Variants in ANK2 observed in about 807,000 individuals in gnomAD.
ANK2 encodes the protein ankyrin 2.
In ANK2, 83 loss-of-function variants were observed where a neutral mutation model predicts 360.5. The observed-to-expected ratio is 0.23, with a 90% CI of 0.19 to 0.28. ANK2 has a LOEUF of 0.28. Ranked by LOEUF, ANK2 falls within the 10% of genes least tolerant of loss-of-function variation. The pLI is 1.00. For missense variants in ANK2, 4,201 were observed against 4,795.7 expected, an observed-to-expected ratio of 0.88 and a Z score of 3.66; for synonymous variants, 1,740 against 1,759.5, an observed-to-expected ratio of 0.99 and a Z score of 0.28.
intron 1 of ANK2, among the ~76,000 whole-genome samples, chr4:112,837,309 G>C (rs544447241): frequency 1.4e-4 from 21 of 152,372 alleles, no homozygotes; most frequent in Middle Eastern, 3.4e-3. Flanking sequence ...GGTATGGGAA[G>C]CTCTGCCTAG....
At chr4:113,078,187 G>A (rs538943824) in intron 1 of ANK2, among the ~76,000 whole-genome samples, 7 of 152,258 alleles carry the variant, frequency 4.6e-5, no homozygotes, top group Middle Eastern at 3.4e-3. Context: ...CGGTAAAATA[G>A]CAGCAGTCCT....
chr4:112,798,050 G>A, the ANK2 span: 1 of 164,800 alleles, frequency 6.1e-6, no homozygotes. Context: ...TATCATGGCA[G>A]GACAGTCAAC....
At chr4:112,903,349 A>T (rs1192774730) in intron 1 of ANK2, among the ~76,000 whole-genome samples, 1 of 152,188 alleles carries the variant, frequency 6.6e-6, no homozygotes, top group Admixed American at 6.5e-5. Context: ...TTTAAAAATT[A>T]TACTGAGATG....
Position 113,302,833 on chromosome 4 carries a change from G to A in ANK2, c.2542G>A (p.Glu848Lys). ...GACTGAGGTTCTTGATGTTTCTGAT[G>A]AAGAGGGTAAGACTTCTATTCAATC... Reference protein sequence around the residue: ...TMTEVLDVSDEEGDDTMTGDG... With the variant: ...TMTEVLDVSDKEGDDTMTGDG... Residue 848 changes from glutamate (E) to lysine (K), a missense_variant, in exon 23 of 46, where the codon GAA (glutamate) becomes AAA (lysine). Glu to Lys is a moderately conservative substitution (Grantham distance 56). Around this residue, in one of 4 missense-constraint regions of ANK2, gnomAD observed 1,268 missense variants for 1,650.8 expected, o/e 0.77. Coordinates refer to ENST00000357077, the MANE Select transcript of ANK2 (RefSeq NM_001148.6). The A allele has an allele frequency of 6.2e-7, 1 of 1,612,702 alleles. No individual in the cohort carries two copies. Among genetic ancestry groups the A allele is most frequent in the Non-Finnish European group, 8.5e-7 (1 of 1,178,728 alleles).
At chr4:112,841,377 A>G (rs1208070489) in intron 1 of ANK2, among the ~76,000 whole-genome samples, 4 of 152,144 alleles carry the variant, frequency 2.6e-5, no homozygotes, top group African/African-American at 9.7e-5. Context: ...AAAAGTTGAA[A>G]AAATGTTAAC....
At chr4:113,086,734 C>T (rs976068196) in intron 1 of ANK2, among the ~76,000 whole-genome samples, 1 of 152,156 alleles carries the variant, frequency 6.6e-6, no homozygotes, top group African/African-American at 2.4e-5. Flanking sequence ...TTAGGGAAGG[C>T]TCCTTTGAGC....
In ANK2 at chr4:113,358,744, G is replaced by A. The variant is rs1171741008; in HGVS notation, c.10126G>A (p.Gly3376Arg). Reference sequence around the variant, plus strand: ...TGTCCAGAAGACAGTGGCTCCTCAGGGACAGGACATGGCAAGCATCGCACC... The same window carrying A: ...TGTCCAGAAGACAGTGGCTCCTCAGAGACAGGACATGGCAAGCATCGCACC... Reference protein sequence around the residue: ...TSVQKTVAPQGQDMASIAPDN... With the variant: ...TSVQKTVAPQRQDMASIAPDN... The change falls in exon 38 of 46, where the codon GGA becomes AGA. Residue 3376 changes from glycine (G) to arginine (R), a missense_variant. Gly to Arg is a moderately radical substitution (Grantham distance 125). This residue lies in a region of ANK2 where 2,642 missense variants were observed against 2,714.5 expected (regional missense o/e 0.97). Transcript: ENST00000357077. The A allele has an allele frequency of 2.5e-6, 4 of 1,613,904 alleles. No homozygotes were observed. Among genetic ancestry groups the A allele is most frequent in the Non-Finnish European group, 3.4e-6 (4 of 1,179,968 alleles).
intron 1 of ANK2, among the ~76,000 whole-genome samples, chr4:113,147,677 T>C (rs1583029748): frequency 6.6e-6 from 1 of 152,184 alleles, no homozygotes; most frequent in African/African-American, 2.4e-5. Context: ...GCAAAATATG[T>C]GGTTCTAGGT....
the ANK2 span, chr4:112,738,743 G>C: frequency 6.5e-6 from 4 of 619,458 alleles, no homozygotes; most frequent in African/African-American, 1.8e-5. Flanking sequence ...TCCGGCACCA[G>C]TCAGACCCAT....
chr4:113,190,062 C>A (rs556173105), intron 2 of ANK2, among the ~76,000 whole-genome samples: 1 of 152,024 alleles, frequency 6.6e-6, no homozygotes, highest in East Asian at 1.9e-4. Flanking sequence ...CTTAGAAACA[C>A]AGAATTTTGT....
At chr4:113,310,401 G>A (rs1249680223) in intron 23 of ANK2, among the ~76,000 whole-genome samples, 2 of 151,912 alleles carry the variant, frequency 1.3e-5, no homozygotes, top group East Asian at 3.9e-4. Context: ...AAGACTGGGG[G>A]AAAGAAAGAG....
chr4:112,783,331 T>C, the ANK2 span, among the ~76,000 whole-genome samples: 2 of 152,230 alleles, frequency 1.3e-5, no homozygotes, highest in Non-Finnish European at 2.9e-5. Context: ...ACACTACTTA[T>C]ATGTTGGGCT....
At chr4:112,890,759 G>A (rs995742547) in intron 1 of ANK2, among the ~76,000 whole-genome samples, 2 of 151,636 alleles carry the variant, frequency 1.3e-5, no homozygotes, top group African/African-American at 2.4e-5. Flanking sequence ...TAGAGACAGG[G>A]TTTTTCCATG....
At chr4:112,876,988 C>T (rs2075308034) in intron 1 of ANK2, among the ~76,000 whole-genome samples, 1 of 151,966 alleles carries the variant, frequency 6.6e-6, no homozygotes, top group South Asian at 2.1e-4. Flanking sequence ...CAACAATCTC[C>T]TCTCCCTTCC....
intron 1 of ANK2, among the ~76,000 whole-genome samples, chr4:112,898,251 T>G (rs1470737037): frequency 6.6e-6 from 1 of 152,156 alleles, no homozygotes; most frequent in Non-Finnish European, 1.5e-5. Context: ...CATAGTTTAT[T>G]GAGATTTTTA....
At chr4:113,132,090 A>C (rs2096073548) in intron 1 of ANK2, among the ~76,000 whole-genome samples, 1 of 152,178 alleles carries the variant, frequency 6.6e-6, no homozygotes, top group Admixed American at 6.5e-5. Context: ...AACTATTCAG[A>C]GATGTCACAA....
Position 113,064,345 on chromosome 4 carries a change from G to T in ANK2, c.84+14533G>T, listed in dbSNP as rs2074766539. ...AGCACTCTGTGTGACTTACCGTGAT[G>T]ACAGGTTTTTGTGTCTGTTTTAATC... is the stretch of plus-strand genomic sequence containing the variant. On this transcript the variant is annotated intron_variant, in intron 1 of 45. Coordinates refer to ENST00000357077, the MANE Select transcript of ANK2 (RefSeq NM_001148.6). Among the ~76,000 whole-genome samples, 4 of 152,148 alleles carry T rather than the reference G, an allele frequency of 2.6e-5. No individual in the cohort carries two copies. In the South Asian group the frequency reaches 8.3e-4, roughly 32 times the overall value.
intron 9 of ANK2, 139 bp downstream of exon 9, chr4:113,242,348 A>C: frequency 1.0e-5 from 8 of 797,094 alleles, no homozygotes; most frequent in African/African-American, 3.4e-5. Flanking sequence ...TTTAAATCTC[A>C]TACAACATTT....
chr4:113,378,323 C>T (rs1206565779), intron 45 of ANK2: 1 of 330,268 alleles, frequency 3.0e-6, no homozygotes, highest in Non-Finnish European at 5.8e-6. Context: ...ATACTTTGGT[C>T]AAGTAATGGA....
Sources: allele counts gnomAD v4.1 joint callset (sites outside exome capture counted in the v4.1 genomes callset), GRCh38; gene constraint gnomAD v4.1.1; regional missense constraint gnomAD v4.1.1; transcripts MANE v1.5; gene names NCBI Gene and HGNC (gene_info 2026-07-23, HGNC 2026-07-21).